MAGI1: variants seen among roughly 807,000 people sequenced by gnomAD.
The protein encoded by MAGI1 is membrane associated guanylate kinase, WW and PDZ domain containing 1.
Under a neutral mutation model 139.9 loss-of-function variants are expected in MAGI1, and 58 were observed. That is an observed-to-expected ratio of 0.41 (90% confidence interval 0.34 to 0.52). MAGI1 has a LOEUF of 0.52. MAGI1 is among the 20% of genes least tolerant of loss of function. The pLI, the probability that MAGI1 is intolerant of heterozygous loss-of-function variation, is 0.12. For missense variants in MAGI1, 1,874 were observed against 1,901.6 expected, an observed-to-expected ratio of 0.99 and a Z score of 0.27; for synonymous variants, 812 against 737.9, an observed-to-expected ratio of 1.10 and a Z score of -1.63.
intron 1 of MAGI1, among the ~76,000 whole-genome samples, chr3:65,949,414 A>C (rs1037467060): frequency 4.6e-5 from 7 of 152,258 alleles, no homozygotes; most frequent in African/African-American, 1.7e-4. Context: ...ATTCACTGAC[A>C]AATGTTATCT....
At chr3:65,425,304 A>G (rs559707362) in intron 12 of MAGI1, among the ~76,000 whole-genome samples, 4 of 152,220 alleles carry the variant, frequency 2.6e-5, no homozygotes, top group Admixed American at 1.3e-4. Flanking sequence ...ATCTATGTAC[A>G]TCATGCCCAT....
intron 2 of MAGI1, among the ~76,000 whole-genome samples, chr3:65,530,763 A>G (rs1324218398): frequency 7.9e-4 from 12 of 15,262 alleles, no homozygotes; most frequent in Middle Eastern, 0.019. Context: ...ACACGTATAT[A>G]TATATATATA....
intron 1 of MAGI1, among the ~76,000 whole-genome samples, chr3:65,815,851 A>G (rs1559909941): frequency 6.6e-6 from 1 of 152,156 alleles, no homozygotes; most frequent in East Asian, 1.9e-4. Context: ...GACTGGCTAA[A>G]TAACTAACCA....
rs12496600 is a variant in MAGI1 at position 65,647,721 on chromosome 3, T to C, written c.314-25633A>G. On this transcript the variant is annotated intron_variant, in intron 1 of 22. Transcript: ENST00000402939. ...CAACATTCTTTTATGACAAAAACTT[T>C]AAGAAAACTACAAATATGCAAGTTC... 7.5e-3 allele frequency among the ~76,000 whole-genome samples: 1,136 copies of C among 152,244 alleles called. 51 individuals are homozygous for C. The highest frequency in any genetic ancestry group is 0.069 in the Admixed American group (1,049 of 15,288).
chr3:65,848,459 T>C (rs971287341), intron 1 of MAGI1, among the ~76,000 whole-genome samples: 1 of 152,162 alleles, frequency 6.6e-6, no homozygotes, highest in African/African-American at 2.4e-5. Flanking sequence ...CTTGCAATAA[T>C]GGGACACTTC....
rs112844485 is a variant in MAGI1, at chr3:65,870,716, G to GAA, written c.313+167278_313+167279dup. ...CATAGTGGGATTTTACCATTTTAGT[G>GAA]AAAAAAAAAAAAAAGAAAGAATGAA... On this transcript the variant is annotated intron_variant, in intron 1 of 22. Transcript: ENST00000402939. Among the ~76,000 whole-genome samples, 969 of 124,982 alleles carry GAA rather than the reference G, an allele frequency of 7.8e-3. 11 individuals are homozygous for GAA. Among genetic ancestry groups the GAA allele is most frequent in the African/African-American group, 0.026 (919 of 35,072 alleles). The allele number at this position is 124,982 out of a possible 152,430, so 82.0% of individuals were successfully genotyped here.
chr3:65,524,143 G>T (rs927528757), intron 2 of MAGI1, among the ~76,000 whole-genome samples: 6 of 152,186 alleles, frequency 3.9e-5, no homozygotes, highest in African/African-American at 1.4e-4. Flanking sequence ...TGGTCTTTGG[G>T]AAAGTTTTGA....
intron 1 of MAGI1, among the ~76,000 whole-genome samples, chr3:65,913,604 G>T (rs1289177037): frequency 6.6e-6 from 1 of 152,148 alleles, no homozygotes; most frequent in South Asian, 2.1e-4. Flanking sequence ...GGCAAAACAG[G>T]TTCCTTAAAC....
chr3:65,595,153 C>T (rs930389577), intron 2 of MAGI1, among the ~76,000 whole-genome samples: 1 of 152,126 alleles, frequency 6.6e-6, no homozygotes, highest in Non-Finnish European at 1.5e-5. Context: ...CATCCATATG[C>T]CAAGAATGAA....
chr3:65,358,101 C>T (rs1940391927), intron 22 of MAGI1, among the ~76,000 whole-genome samples: 3 of 152,106 alleles, frequency 2.0e-5, no homozygotes, highest in African/African-American at 4.8e-5. Context: ...GGGCTGCTTC[C>T]TATAACATCA....
chr3:65,682,818 G>C (rs1216877757), intron 1 of MAGI1, among the ~76,000 whole-genome samples: 1 of 152,122 alleles, frequency 6.6e-6, no homozygotes, highest in Non-Finnish European at 1.5e-5. Flanking sequence ...GCAGAACACA[G>C]AGGATTTTCA....
chr3:65,437,481 T>C (rs1399368918), intron 9 of MAGI1, among the ~76,000 whole-genome samples: 1 of 151,872 alleles, frequency 6.6e-6, no homozygotes, highest in Non-Finnish European at 1.5e-5. Context: ...TCCAGTTCTC[T>C]CTGGCTGGAA....
intron 2 of MAGI1, among the ~76,000 whole-genome samples, chr3:65,588,007 A>G (rs779100889): frequency 5.5e-4 from 84 of 152,118 alleles, no homozygotes; most frequent in Admixed American, 2.0e-3. Flanking sequence ...TTCTTTTCCC[A>G]AGGCTCTAGA....
intron 1 of MAGI1, among the ~76,000 whole-genome samples, chr3:65,862,361 G>A (rs1159124984): frequency 6.6e-6 from 1 of 152,128 alleles, no homozygotes; most frequent in African/African-American, 2.4e-5. Flanking sequence ...CTCAATAAAT[G>A]TTAGACTTCA....
intron 2 of MAGI1, among the ~76,000 whole-genome samples, chr3:65,581,404 A>T (rs2106640720): frequency 6.6e-6 from 1 of 152,304 alleles, no homozygotes; most frequent in South Asian, 2.1e-4. Flanking sequence ...TTCTCTGCTC[A>T]AAAACCCAAA....
chr3:65,879,370 G>A (rs1485859516), intron 1 of MAGI1, among the ~76,000 whole-genome samples: 1 of 151,978 alleles, frequency 6.6e-6, no homozygotes, highest in Admixed American at 6.6e-5. Flanking sequence ...ATCTGAATAT[G>A]GGAGTAAAGG....
At chr3:65,820,275 G>T (rs545858763) in intron 1 of MAGI1, among the ~76,000 whole-genome samples, 1 of 152,258 alleles carries the variant, frequency 6.6e-6, no homozygotes, top group South Asian at 2.1e-4. Context: ...GATCCTCAGA[G>T]AGGAGACCCT....
At chr3:65,774,586 A>C (rs970090342) in intron 1 of MAGI1, among the ~76,000 whole-genome samples, 2 of 152,156 alleles carry the variant, frequency 1.3e-5, no homozygotes, top group Admixed American at 1.3e-4. Context: ...GAGTCTACCA[A>C]GCTTTTGTTC....
chr3:65,801,372 T>TA (rs765202951), intron 1 of MAGI1, among the ~76,000 whole-genome samples: 3 of 152,222 alleles, frequency 2.0e-5, no homozygotes, highest in Non-Finnish European at 4.4e-5. Context: ...TCAAAGTAGC[T>TA]AGGTCTTGAA....
Sources: allele counts gnomAD v4.1 joint callset (sites outside exome capture counted in the v4.1 genomes callset), GRCh38; gene constraint gnomAD v4.1.1; transcripts MANE v1.5; gene names NCBI Gene and HGNC (gene_info 2026-07-23, HGNC 2026-07-21).